Variants in FAM107B observed in about 807,000 individuals in gnomAD.
The protein encoded by FAM107B is family with sequence similarity 107 member B.
Under a neutral mutation model 31.5 loss-of-function variants are expected in FAM107B, and 21 were observed. The ratio of observed to expected loss-of-function variants is 0.67; its 90% CI spans 0.47 to 0.96. The LOEUF is 0.96. FAM107B is among the 40% of genes least tolerant of loss of function. FAM107B has a pLI of 0.00. For missense variants in FAM107B, 452 were observed against 377.1 expected, an observed-to-expected ratio of 1.20 and a Z score of -1.64; for synonymous variants, 157 against 141.5, an observed-to-expected ratio of 1.11 and a Z score of -0.78.
chr10:14,609,994 T>C (rs1852687233), intron 2 of FAM107B, among the ~76,000 whole-genome samples: 1 of 152,212 alleles, frequency 6.6e-6, no homozygotes, highest in African/African-American at 2.4e-5. Flanking sequence ...AAGTCTTCAT[T>C]GACCCCTGAT....
Position 14,530,392 on chromosome 10 carries a change from G to C in FAM107B, c.593C>G (p.Pro198Arg). The change falls in exon 3 of 5, where the codon CCT becomes CGT. Residue 198 changes from proline (P) to arginine (R), a missense_variant. Pro to Arg is a moderately radical substitution (Grantham distance 103, BLOSUM62 -2). Coordinates refer to ENST00000181796, the MANE Select transcript of FAM107B (RefSeq NM_031453.4). The stretch of plus-strand genomic sequence containing the variant: ...TTGATGGTTCCGGGAGGTTTTTACA[G>C]GATTGATCAGTTTCTGAGGCCTAAT... The part of the protein sequence containing the change: ...ELIRPQKLIN[P>R]VKTSRNHQDL... The C allele has an allele frequency of 5.6e-6, 9 of 1,613,166 alleles. No homozygotes were observed. The highest frequency in any genetic ancestry group is 7.6e-6 in the Non-Finnish European group (9 of 1,179,726).
intron 2 of FAM107B, among the ~76,000 whole-genome samples, chr10:14,615,401 T>C (rs1413486132): frequency 6.6e-6 from 1 of 152,176 alleles, no homozygotes; most frequent in Non-Finnish European, 1.5e-5. Context: ...AGGGAGAGAA[T>C]TAATGGATAT....
intron 1 of FAM107B, among the ~76,000 whole-genome samples, chr10:14,754,781 C>T (rs1832896500): frequency 6.6e-6 from 1 of 152,188 alleles, no homozygotes; most frequent in Admixed American, 6.5e-5. Context: ...TGCAGATGCA[C>T]CTTGATAGGT....
intron 1 of FAM107B, among the ~76,000 whole-genome samples, chr10:14,742,060 C>CAT (rs1856452683): frequency 6.6e-6 from 1 of 151,916 alleles, no homozygotes; most frequent in Non-Finnish European, 1.5e-5. Flanking sequence ...TTAACAAGTG[C>CAT]TACAGAATTA....
At chr10:14,691,107 T>C (rs1358101834) in intron 1 of FAM107B, among the ~76,000 whole-genome samples, 1 of 151,972 alleles carries the variant, frequency 6.6e-6, no homozygotes, top group East Asian at 1.9e-4. Context: ...ACTATCATAG[T>C]TCACTGCAGC....
chr10:14,676,460 G>A (rs746515636), intron 1 of FAM107B, among the ~76,000 whole-genome samples: 3 of 152,132 alleles, frequency 2.0e-5, no homozygotes, highest in South Asian at 2.1e-4. Context: ...TCTCTTAACA[G>A]GTGTTTATTA....
Position 14,745,060 on chromosome 10 carries a change from C to A in FAM107B, c.411+29193G>T, listed in dbSNP as rs1470515995. 5.3e-5 allele frequency among the ~76,000 whole-genome samples: 8 copies of A among 152,122 alleles called. No homozygotes were observed. The East Asian group carries it at 1.2e-3, about 22-fold the overall frequency. ...AGGATATATGTGTCCAGGAATTTAT[C>A]AATTTCTTCTAGATTTTCCAGTTCA... is the stretch of plus-strand genomic sequence containing the variant. On this transcript the variant is annotated intron_variant, in intron 1 of 4. Coordinates refer to ENST00000181796, the MANE Select transcript of FAM107B (RefSeq NM_031453.4).
At chr10:14,590,937 C>G (rs1037104685) in intron 2 of FAM107B, among the ~76,000 whole-genome samples, 2 of 142,716 alleles carry the variant, frequency 1.4e-5, no homozygotes, top group South Asian at 2.2e-4. Flanking sequence ...TGCAGTGAGC[C>G]GAGATCGTTC....
chr10:14,750,366 C>CT (rs1387784084), intron 1 of FAM107B, among the ~76,000 whole-genome samples: 1 of 152,192 alleles, frequency 6.6e-6, no homozygotes, highest in South Asian at 2.1e-4. Context: ...AATCCCAGCA[C>CT]TTTGGGAGAG....
chr10:14,533,669 C>T (rs1277841550), intron 2 of FAM107B, among the ~76,000 whole-genome samples: 1 of 152,236 alleles, frequency 6.6e-6, no homozygotes, highest in African/African-American at 2.4e-5. Flanking sequence ...GATGCCCACT[C>T]AGCCTTTCCT....
chr10:14,702,459 G>A (rs952438413), intron 1 of FAM107B, among the ~76,000 whole-genome samples: 15 of 152,048 alleles, frequency 9.9e-5, no homozygotes, highest in African/African-American at 2.4e-4. Context: ...CGATTCTCCC[G>A]CCTCAGCCCC....
At chr10:14,543,691 T>TAAAAAAAAAAAAAAAAAAAAAA (rs11318873) in intron 2 of FAM107B, among the ~76,000 whole-genome samples, 1 of 138,854 alleles carries the variant, frequency 7.2e-6, no homozygotes, top group Non-Finnish European at 1.5e-5. Context: ...CTAAAAACTT[T>TAAAAAAAAAAAAAAAAAAAAAA]AAAAAAAAAA....
intron 2 of FAM107B, among the ~76,000 whole-genome samples, chr10:14,545,272 T>C (rs561074807): frequency 1.3e-5 from 2 of 152,220 alleles, no homozygotes; most frequent in East Asian, 3.9e-4. Context: ...ACTCTCCTAT[T>C]TGGACGTGTG....
At chr10:14,680,015 G>A (rs564815344) in intron 1 of FAM107B, among the ~76,000 whole-genome samples, 59 of 152,220 alleles carry the variant, frequency 3.9e-4, no homozygotes, top group East Asian at 7.7e-4. Flanking sequence ...ACTTGTGATC[G>A]TGTGAGTCAA....
intron 2 of FAM107B, among the ~76,000 whole-genome samples, chr10:14,629,434 A>T (rs796181960): frequency 1.1e-4 from 1 of 9,520 alleles, no homozygotes; most frequent in African/African-American, 7.1e-4. Context: ...TATAATATAT[A>T]TTATATATAT....
chr10:14,764,808 A>G (rs1219602482), intron 1 of FAM107B, among the ~76,000 whole-genome samples: 1 of 152,174 alleles, frequency 6.6e-6, no homozygotes, highest in Non-Finnish European at 1.5e-5. Context: ...TGAAATTATT[A>G]TTTTTTAACT....
At chr10:14,737,991 C>T (rs964747785) in intron 1 of FAM107B, among the ~76,000 whole-genome samples, 31 of 152,122 alleles carry the variant, frequency 2.0e-4, no homozygotes, top group African/African-American at 7.5e-4. Context: ...ACACAGCAGC[C>T]GCTAATGCCA....
intron 1 of FAM107B, among the ~76,000 whole-genome samples, chr10:14,743,326 T>C (rs575620654): frequency 3.5e-4 from 54 of 152,372 alleles, no homozygotes; most frequent in South Asian, 6.2e-4. Flanking sequence ...GCTCTGATGA[T>C]AGTTTCTTTT....
At chr10:14,682,298 G>A (rs2131496338) in intron 1 of FAM107B, among the ~76,000 whole-genome samples, 1 of 152,330 alleles carries the variant, frequency 6.6e-6, no homozygotes, top group East Asian at 1.9e-4. Flanking sequence ...GGAGGCCGAG[G>A]TGGGTGGATC....
Sources: gnomAD v4.1 joint callset for allele counts (sites outside exome capture counted in the v4.1 genomes callset) on GRCh38, gnomAD v4.1.1 for gene constraint, MANE v1.5 for transcripts, NCBI Gene and HGNC (gene_info 2026-07-23, HGNC 2026-07-21) for gene names.